NKD2: variants seen among roughly 807,000 people sequenced by gnomAD.
The protein encoded by NKD2 is protein naked cuticle homolog 2.
A neutral mutation model predicts 34.8 loss-of-function variants in NKD2; 43 were observed. The ratio of observed to expected loss-of-function variants is 1.24; its 90% CI spans 0.97 to 1.60. The LOEUF (loss-of-function observed/expected upper bound fraction) is 1.60. NKD2 is among the 40% of genes most tolerant of loss of function. The pLI, the probability that NKD2 is intolerant of heterozygous loss-of-function variation, is 0.00. For synonymous variants in NKD2, 278 were observed against 265.1 expected, an observed-to-expected ratio of 1.05 and a Z score of -0.47; for missense variants, 675 against 627.1, an observed-to-expected ratio of 1.08 and a Z score of -0.82.
intron 9 of NKD2, 22 bp from the exon 10 acceptor site, chr5:1,037,783 A>G: frequency 6.4e-7 from 1 of 1,562,892 alleles, no homozygotes. Context: ...CCAGGGCCTC[A>G]CACTCTGACC....
intron 3 of NKD2, among the ~76,000 whole-genome samples, chr5:1,025,646 G>C (rs1271287252): frequency 0.027 from 293 of 10,702 alleles, 61 homozygotes; most frequent in African/African-American, 0.038. Flanking sequence ...CGTTGTCCCT[G>C]CTCTTCCCAC....
chr5:1,036,281 C>T lies in NKD2; in HGVS notation c.684C>T (p.Pro228=). ...GGAGGCCCAGTACTGACCCCCAGCCCTGCTCGGAGCGGGGGCCCTACTGCG... is the reference window on the plus strand; with the variant it reads ...GGAGGCCCAGTACTGACCCCCAGCCTTGCTCGGAGCGGGGGCCCTACTGCG... ...HVRRPSTDPQ[P]CSERGPYCVD... Residue 228 remains proline, a synonymous_variant, in exon 9 of 10, where the codon CCC becomes CCT. Transcript: ENST00000296849. 1 of 1,611,294 alleles carries T rather than the reference C, an allele frequency of 6.2e-7. No individual in the cohort carries two copies. The highest frequency in any genetic ancestry group is 8.5e-7 in the Non-Finnish European group (1 of 1,179,002).
chr5:1,029,797 T>C lies in NKD2; in HGVS notation c.142-2355T>C, dbSNP rs551658745. Among the ~76,000 whole-genome samples the C allele has an allele frequency of 7.2e-4, 109 of 152,318 alleles. 3 individuals carry two copies. In the East Asian group the frequency reaches 0.019, roughly 27 times the overall value. On this transcript the variant is annotated intron_variant, in intron 3 of 9. Transcript: ENST00000296849. ...GTTCTGGCACTTTCCAGGAAGCCACTGCTGCTGCCCCTCATCTGGGCAGCG... is the reference window on the plus strand; with the variant it reads ...GTTCTGGCACTTTCCAGGAAGCCACCGCTGCTGCCCCTCATCTGGGCAGCG...
chr5:1,030,734 G>T (rs1756614003), intron 3 of NKD2, among the ~76,000 whole-genome samples: 2 of 152,164 alleles, frequency 1.3e-5, no homozygotes, highest in Non-Finnish European at 2.9e-5. Flanking sequence ...CGGGACTGCA[G>T]CCCCCAGGAG....
intron 9 of NKD2, chr5:1,037,565 G>C (rs1158628076): frequency 3.3e-6 from 5 of 1,535,742 alleles, no homozygotes; most frequent in Admixed American, 2.0e-5. Flanking sequence ...AGGACACACA[G>C]TGGGGACAAG....
At chr5:1,013,007 G>A (rs1212946264) in intron 3 of NKD2, among the ~76,000 whole-genome samples, 1 of 152,230 alleles carries the variant, frequency 6.6e-6, no homozygotes, top group Non-Finnish European at 1.5e-5. Flanking sequence ...AGAGACTCGG[G>A]CCAGTGCACG....
chr5:1,037,860 G>T lies in NKD2; in HGVS notation c.843G>T (p.Gln281His). ...CCCAGGGCAGGGCCTCGCACCTCCAGGCCCGGTCCCGCTCCCAGGAGCCAG... is the reference window on the plus strand; with the variant it reads ...CCCAGGGCAGGGCCTCGCACCTCCATGCCCGGTCCCGCTCCCAGGAGCCAG... Reference protein sequence around the residue: ...QEPQGRASHLQARSRSQEPDT... With the variant: ...QEPQGRASHLHARSRSQEPDT... The change falls in exon 10 of 10, where the codon CAG becomes CAT. Residue 281 changes from glutamine to histidine, a missense_variant. Physicochemically the swap from Gln to His is conservative, Grantham distance 24. Transcript: ENST00000296849. The T allele has an allele frequency of 6.2e-7, 1 of 1,600,452 alleles. No individual in the cohort carries two copies.
chr5:1,031,303 G>A lies in NKD2; in HGVS notation c.142-849G>A, dbSNP rs939802547. Among the ~76,000 whole-genome samples, 8 of 152,276 alleles carry A rather than the reference G, an allele frequency of 5.3e-5. No individual in the cohort carries two copies. In the South Asian group the frequency reaches 1.2e-3, roughly 24 times the overall value. ...GCCCTGGGGTCCTGTGTCCACCCAC[G>A]GAGACACCAACTCGGCACCAAAGTC... On this transcript the variant is annotated intron_variant, in intron 3 of 9. Transcript: ENST00000296849.
intron 3 of NKD2, among the ~76,000 whole-genome samples, chr5:1,020,380 T>C (rs1450591191): frequency 6.6e-6 from 1 of 152,166 alleles, no homozygotes; most frequent in Admixed American, 6.5e-5. Context: ...CTGTATTTAA[T>C]ACCTGAGCTG....
rs543626532 is a variant in NKD2, at chr5:1,028,078, C to T, written c.142-4074C>T. Among the ~76,000 whole-genome samples, 50 of 152,206 alleles carry T rather than the reference C, an allele frequency of 3.3e-4. 1 individual carries two copies. The South Asian group carries it at 7.3e-3, about 22-fold the overall frequency. ...GGTTGAGGTTTTGTGAGCGTCTCTCCGTGCCTGGCCGCCTGTGGAGGCTGT... is the reference window on the plus strand; with the variant it reads ...GGTTGAGGTTTTGTGAGCGTCTCTCTGTGCCTGGCCGCCTGTGGAGGCTGT... On this transcript the variant is annotated intron_variant, in intron 3 of 9. Transcript: ENST00000296849.
intron 3 of NKD2, among the ~76,000 whole-genome samples, chr5:1,011,212 T>G (rs964724542): frequency 1.1e-4 from 16 of 152,226 alleles, no homozygotes; most frequent in Non-Finnish European, 1.5e-4. Context: ...TTAAATACAT[T>G]TCAGCTTTCA....
intron 3 of NKD2, among the ~76,000 whole-genome samples, chr5:1,014,386 C>T (rs889104064): frequency 4.6e-5 from 7 of 152,240 alleles, no homozygotes; most frequent in African/African-American, 1.4e-4. Context: ...TCCTGGGAGC[C>T]GCGGGAACTG....
Position 1,038,483 on chromosome 5 carries a change from C to A in NKD2, c.*110C>A. 1 of 1,531,968 alleles carries A rather than the reference C, an allele frequency of 6.5e-7. No homozygotes were observed. Among genetic ancestry groups the A allele is most frequent in the Non-Finnish European group, 8.7e-7 (1 of 1,143,498 alleles). The allele number at this position is 1,531,968 out of a possible 1,614,324, so 94.9% of individuals were successfully genotyped here. On this transcript the variant is annotated 3_prime_UTR_variant, in exon 10 of 10. Transcript: ENST00000296849. The surrounding 1 kb of genome is among the most constrained non-coding windows in gnomAD (Gnocchi z 4.5). ...CCATGGGGAGCCCAGCCCCCACCCC[C>A]CACCTCCGACAGCAAACAGCAACTG...
chr5:1,034,002 G>A (rs1331073556), intron 5 of NKD2: 2 of 582,704 alleles, frequency 3.4e-6, no homozygotes, highest in East Asian at 5.8e-5. Context: ...TCACTGTGGG[G>A]GAACCGAATC....
intron 3 of NKD2, among the ~76,000 whole-genome samples, chr5:1,029,539 AACCAGTGAAATCCCCCACAAGTG>A (rs1756556488): frequency 3.3e-5 from 5 of 152,134 alleles, no homozygotes; most frequent in African/African-American, 1.2e-4. Flanking sequence ...TCCTGTCTGT[AACCAGTGAAATCCCCCACAAGTG>A]CGCTCAGAAT....
At position 1,009,285 on chromosome 5, in the gene NKD2, G is replaced by A; in HGVS notation, c.61+71G>A. On this transcript the variant is annotated intron_variant, in intron 2 of 9. Transcript: ENST00000296849. The surrounding 1 kb of genome is among the most constrained non-coding windows in gnomAD (Gnocchi z 6.9). ...CCGGGACCCTCAGAGCTAGGAGCCCGCGCGCGTCCTGCCCTGGAGCCAGCA... is the reference window on the plus strand; with the variant it reads ...CCGGGACCCTCAGAGCTAGGAGCCCACGCGCGTCCTGCCCTGGAGCCAGCA... 1 of 486,038 alleles carries A rather than the reference G, an allele frequency of 2.1e-6. No homozygotes were observed. The highest frequency in any genetic ancestry group is 3.6e-6 in the Non-Finnish European group (1 of 280,336). The allele number at this position is 486,038 out of a possible 1,614,324, so 30.1% of individuals were successfully genotyped here.
chr5:1,011,468 G>A (rs572379428), intron 3 of NKD2, among the ~76,000 whole-genome samples: 52 of 152,268 alleles, frequency 3.4e-4, no homozygotes, highest in African/African-American at 1.1e-3. Context: ...CCAGAGCCTC[G>A]CCCATCGTCC....
intron 3 of NKD2, among the ~76,000 whole-genome samples, chr5:1,027,840 C>T (rs1009240765): frequency 6.6e-6 from 1 of 152,184 alleles, no homozygotes; most frequent in Non-Finnish European, 1.5e-5. Flanking sequence ...AAGAGGACAT[C>T]GCCCGCTCCA....
intron 3 of NKD2, among the ~76,000 whole-genome samples, chr5:1,031,784 T>C (rs1756653948): frequency 6.6e-6 from 1 of 151,962 alleles, no homozygotes; most frequent in Non-Finnish European, 1.5e-5. Context: ...TGGGCAGTGC[T>C]GGGAGCAGGC....
Sources: allele counts gnomAD v4.1 joint callset (sites outside exome capture counted in the v4.1 genomes callset), GRCh38; gene constraint gnomAD v4.1.1; non-coding constraint Gnocchi (gnomAD v3.1); transcripts MANE v1.5; gene names NCBI Gene and HGNC (gene_info 2026-07-23, HGNC 2026-07-21).